F8: variants seen among roughly 807,000 people sequenced by gnomAD.
F8 encodes the protein coagulation factor VIII.
Under a neutral mutation model 140.6 loss-of-function variants are expected in F8, and 12 were observed. That is an observed-to-expected ratio of 0.09 (90% CI 0.05 to 0.14). The LOEUF (loss-of-function observed/expected upper bound fraction) is 0.14. F8 is among the 10% of genes least tolerant of loss of function. The pLI, the probability that F8 is intolerant of heterozygous loss-of-function variation, is 1.00. For synonymous variants in F8, 585 were observed against 614.6 expected (o/e 0.95, Z 0.71); for missense variants, 1,354 against 1,720.7 (o/e 0.79, Z 3.77).
intron 15 of F8, among the ~76,000 whole-genome samples, chrX:154,906,006 T>C (rs1238029478): frequency 8.9e-6 from 1 of 111,817 alleles, no homozygotes; most frequent in Non-Finnish European, 1.9e-5. Flanking sequence ...TACATTGCAC[T>C]TCTGGAATTT....
At chrX:154,949,007 C>T (rs1438794901) in intron 12 of F8, among the ~76,000 whole-genome samples, 1 of 111,488 alleles carries the variant, frequency 9.0e-6, no homozygotes, top group African/African-American at 3.3e-5. Context: ...ATAATAAAGG[C>T]AGCATCTCCA....
At chrX:154,876,174 C>T (rs1343927120) in intron 22 of F8, among the ~76,000 whole-genome samples, 13 of 100,256 alleles carry the variant, frequency 1.3e-4, no homozygotes, top group Non-Finnish European at 2.2e-4. Flanking sequence ...GGCTGGAGTG[C>T]CGTGGCGCGA....
In F8 at chrX:154,870,511, A is replaced by C. The variant is rs1193326059; in HGVS notation, c.6430-7284T>G. On this transcript the variant is annotated intron_variant, in intron 22 of 25. Transcript: ENST00000360256. ...AAATTCAACACCCCTTCATGCTAAA[A>C]ACTCTCAATAAACTATGTATCGGTG... 2.7e-5 allele frequency among the ~76,000 whole-genome samples: 3 copies of C among 112,083 alleles called. No individual in the cohort carries two copies. The East Asian group carries it at 8.3e-4, about 31-fold the overall frequency.
chrX:154,938,884 AAT>A (rs34552198), intron 13 of F8, among the ~76,000 whole-genome samples: 77 of 104,837 alleles, frequency 7.3e-4, no homozygotes, highest in African/African-American at 2.4e-3. Context: ...GAAAGGTGTA[AAT>A]ATATATATAT....
At chrX:154,895,125 G>C (rs1162395964) in intron 22 of F8, among the ~76,000 whole-genome samples, 1 of 112,247 alleles carries the variant, frequency 8.9e-6, no homozygotes, top group African/African-American at 3.2e-5. Flanking sequence ...GAACTCCTCT[G>C]CAAGGAGAAA....
At chrX:154,956,159 A>G (rs2073364183) in intron 11 of F8, among the ~76,000 whole-genome samples, 1 of 112,355 alleles carries the variant, frequency 8.9e-6, no homozygotes, top group South Asian at 3.7e-4. Context: ...CCCTGCAGGC[A>G]GTCAGACTTT....
At chrX:154,986,230 C>G (rs946407383) in intron 5 of F8, among the ~76,000 whole-genome samples, 1 of 112,476 alleles carries the variant, frequency 8.9e-6, no homozygotes, top group Admixed American at 9.4e-5. Context: ...CACAACAAGG[C>G]TGGAAATGTC....
At chrX:154,848,074 A>G (rs192193400) in intron 25 of F8, among the ~76,000 whole-genome samples, 1 of 112,767 alleles carries the variant, frequency 8.9e-6, no homozygotes, top group East Asian at 2.8e-4. Flanking sequence ...TTGCCTGGGT[A>G]TCAGCAGCAG....
chrX:154,959,100 C>T (rs1313675101), intron 10 of F8, among the ~76,000 whole-genome samples: 1 of 111,833 alleles, frequency 8.9e-6, no homozygotes, highest in Non-Finnish European at 1.9e-5. Context: ...ACAAGAATGT[C>T]TTTAAGAAGA....
chrX:154,943,648 C>T (rs1304474544), intron 13 of F8, among the ~76,000 whole-genome samples: 1 of 111,590 alleles, frequency 9.0e-6, no homozygotes, highest in Non-Finnish European at 1.9e-5. Flanking sequence ...TGACTTTCTT[C>T]ACAGAATTGG....
intron 22 of F8, among the ~76,000 whole-genome samples, chrX:154,875,898 TACATA>T (rs1408943215): frequency 9.0e-6 from 1 of 110,590 alleles, no homozygotes; most frequent in Non-Finnish European, 1.9e-5. Flanking sequence ...TGGACAAAAT[TACATA>T]ACATATTCAA....
At chrX:154,974,825 T>A (rs1331225849) in intron 6 of F8, among the ~76,000 whole-genome samples, 3 of 111,775 alleles carry the variant, frequency 2.7e-5, no homozygotes, top group African/African-American at 9.7e-5. Context: ...GTAGGTTGTA[T>A]GTGTCCAGGA....
At chrX:154,844,280 T>G (rs2148558786) in intron 25 of F8, among the ~76,000 whole-genome samples, 1 of 112,205 alleles carries the variant, frequency 8.9e-6, no homozygotes, top group South Asian at 3.7e-4. Context: ...GCGGGCTCTT[T>G]TTTGGTTCCA....
Position 154,991,137 on chromosome X carries a change from G to T in F8, c.601+1799C>A, listed in dbSNP as rs1331651710. ...GTTTCTGTTGCCAGCCACTGTCATT[G>T]CCACAGGCAACCTGGGACTGAAGCT... is the stretch of plus-strand genomic sequence containing the variant. On this transcript the variant is annotated intron_variant, in intron 4 of 25. Coordinates refer to ENST00000360256, the MANE Select transcript of F8 (RefSeq NM_000132.4). Among the ~76,000 whole-genome samples, 3 of 112,309 alleles carry T rather than the reference G, an allele frequency of 2.7e-5. No homozygotes were observed. The Admixed American group carries it at 2.8e-4, about 11-fold the overall frequency.
chrX:155,016,270 T>C (rs1167587618), intron 1 of F8, among the ~76,000 whole-genome samples: 1 of 110,269 alleles, frequency 9.1e-6, no homozygotes, highest in Non-Finnish European at 1.9e-5. Flanking sequence ...CACTGTGCAG[T>C]CATTAAGTAC....
chrX:154,990,022 T>G (rs1190533937), intron 4 of F8, among the ~76,000 whole-genome samples: 1 of 112,536 alleles, frequency 8.9e-6, no homozygotes, highest in Non-Finnish European at 1.9e-5. Context: ...TATTCATGTT[T>G]GCATCATATA....
intron 1 of F8, among the ~76,000 whole-genome samples, chrX:155,004,720 A>G (rs1478956741): frequency 8.9e-6 from 1 of 111,945 alleles, no homozygotes; most frequent in East Asian, 2.8e-4. Context: ...CTCACAGAAT[A>G]TTTGATCTTA....
At chrX:154,933,409 G>A (rs1046858019) in intron 13 of F8, among the ~76,000 whole-genome samples, 1 of 111,815 alleles carries the variant, frequency 8.9e-6, no homozygotes, top group African/African-American at 3.3e-5. Context: ...CAAATATATA[G>A]ATCAGTCTCC....
rs2072826043 is a variant in F8 at position 154,877,505 on chromosome X, T to C, written c.6430-14278A>G. 2.7e-5 allele frequency among the ~76,000 whole-genome samples: 3 copies of C among 111,734 alleles called. No individual in the cohort carries two copies. In the Admixed American group the frequency reaches 2.8e-4, roughly 11 times the overall value. On this transcript the variant is annotated intron_variant, in intron 22 of 25. Transcript: ENST00000360256. Reference sequence around the variant, plus strand: ...AAAAAGGATCCTTTTCTTTTTCTTTTTTTTTGAGAGGGAGTCTCACTCTGT... The same window carrying C: ...AAAAAGGATCCTTTTCTTTTTCTTTCTTTTTGAGAGGGAGTCTCACTCTGT...
Sources: allele counts gnomAD v4.1 joint callset (sites outside exome capture counted in the v4.1 genomes callset), GRCh38; gene constraint gnomAD v4.1.1; transcripts MANE v1.5; gene names NCBI Gene and HGNC (gene_info 2026-07-23, HGNC 2026-07-21).